Variants in PLXNC1 observed in about 807,000 individuals in gnomAD.
The protein encoded by PLXNC1 is plexin C1.
PLXNC1 carries 75 observed loss-of-function variants against 178.2 expected under a neutral mutation model. The observed-to-expected ratio is 0.42, with a 90% CI of 0.35 to 0.51. The LOEUF is 0.51. PLXNC1 is among the 20% of genes least tolerant of loss of function. The pLI is 0.02. For missense variants in PLXNC1, 1,503 were observed against 1,984.4 expected, an observed-to-expected ratio of 0.76 and a Z score of 4.61; for synonymous variants, 790 against 779.9, an observed-to-expected ratio of 1.01 and a Z score of -0.22.
rs1194708201 is a variant in PLXNC1 at position 94,149,305 on chromosome 12, T to C, written c.334T>C (p.Tyr112His). Residue 112 changes from tyrosine (Y) to histidine (H), a missense_variant, in exon 1 of 31, where the codon TAC becomes CAC. Tyr to His is a moderately conservative substitution (Grantham distance 83). This residue lies in a region of PLXNC1 where 176 missense variants were observed against 180.7 expected (regional missense o/e 0.97). Coordinates refer to ENST00000258526, the MANE Select transcript of PLXNC1 (RefSeq NM_005761.3). Reference sequence around the variant, plus strand: ...CAGCTTCAGCAAGCTGCTGCTGCCCTACCGCGAGGGGGCGGCCGGCCTCGG... The same window carrying C: ...CAGCTTCAGCAAGCTGCTGCTGCCCCACCGCGAGGGGGCGGCCGGCCTCGG... ...GSSFSKLLLP[Y>H]REGAAGLGGL... 2 of 1,470,212 alleles carry C rather than the reference T, an allele frequency of 1.4e-6. No individual in the cohort carries two copies. Among genetic ancestry groups the C allele is most frequent in the Non-Finnish European group, 1.8e-6 (2 of 1,120,830 alleles). 91.1% of individuals were successfully genotyped at this position (1,470,212 alleles called of 1,614,324 possible). A position where few individuals can be genotyped will look rare whatever the true frequency, so the allele number is the denominator to read the frequency against.
At chr12:94,163,101 C>T (rs560398473) in intron 1 of PLXNC1, among the ~76,000 whole-genome samples, 4 of 152,222 alleles carry the variant, frequency 2.6e-5, no homozygotes, top group African/African-American at 9.6e-5. Context: ...TGCGGTGGCT[C>T]ACACCTGTAA....
At position 94,197,437 on chromosome 12, in the gene PLXNC1, T is replaced by TCTCTCTCTCTCTC. The variant is rs1555198027; in HGVS notation, c.1439+10964_1439+10965insCTCTCTCTCTCTC. Among the ~76,000 whole-genome samples the TCTCTCTCTCTCTC allele has an allele frequency of 4.3e-3, 633 of 148,642 alleles. 6 individuals are homozygous for TCTCTCTCTCTCTC. Among genetic ancestry groups the TCTCTCTCTCTCTC allele is most frequent in the African/African-American group, 0.012 (492 of 40,212 alleles). Reference sequence around the variant, plus strand: ...TGATAAAATGATACATTAGGCCCCTTTCTCTCTCTCTCTCTCTCTCTCTGT... The same window carrying TCTCTCTCTCTCTC: ...TGATAAAATGATACATTAGGCCCCTTCTCTCTCTCTCTCTCTCTCTCTCTCTCTCTCTCTCTGT... On this transcript the variant is annotated intron_variant, in intron 4 of 30. Transcript: ENST00000258526.
At chr12:94,259,523 C>A in intron 18 of PLXNC1, 87 bp from the exon 19 acceptor site, 3 of 1,180,884 alleles carry the variant, frequency 2.5e-6, no homozygotes, top group Admixed American at 2.9e-5. Flanking sequence ...AATTCATTGT[C>A]TTGGAAAACC....
intron 1 of PLXNC1, among the ~76,000 whole-genome samples, chr12:94,164,153 C>G (rs1961501260): frequency 6.6e-6 from 1 of 152,040 alleles, no homozygotes; most frequent in Non-Finnish European, 1.5e-5. Flanking sequence ...AAGTGGGCCC[C>G]TTGGGAAGTA....
chr12:94,173,490 C>A (rs3912398), intron 2 of PLXNC1, among the ~76,000 whole-genome samples: 82,687 of 151,994 alleles, frequency 0.54, 23,937 homozygotes, highest in South Asian at 0.71. Flanking sequence ...CTGAGCTCTT[C>A]CTGTGTGCTG....
intron 17 of PLXNC1, among the ~76,000 whole-genome samples, chr12:94,257,387 T>C (rs1052672189): frequency 1.2e-4 from 18 of 152,354 alleles, no homozygotes; most frequent in African/African-American, 4.3e-4. Flanking sequence ...TTCTTTGCTT[T>C]GCATAAAGTA....
chr12:94,205,826 G>T (rs1187875276), intron 4 of PLXNC1, among the ~76,000 whole-genome samples: 5 of 152,176 alleles, frequency 3.3e-5, no homozygotes, highest in African/African-American at 1.2e-4. Flanking sequence ...GCAACCACTG[G>T]TTGAGGTCCC....
At chr12:94,163,081 T>C (rs1428955733) in intron 1 of PLXNC1, among the ~76,000 whole-genome samples, 2 of 152,060 alleles carry the variant, frequency 1.3e-5, no homozygotes, top group African/African-American at 2.4e-5. Context: ...TCTGAGAACC[T>C]AGGGCCAGGT....
At chr12:94,194,879 T>G (rs956478364) in intron 4 of PLXNC1, among the ~76,000 whole-genome samples, 1 of 152,170 alleles carries the variant, frequency 6.6e-6, no homozygotes, top group Non-Finnish European at 1.5e-5. Flanking sequence ...TGTCATTTGG[T>G]GGAAGCCCAA....
rs550962265 is a variant in PLXNC1, at chr12:94,181,786, C to A, written c.1338+206C>A. On this transcript the variant is annotated intron_variant, in intron 3 of 30. Coordinates refer to ENST00000258526, the MANE Select transcript of PLXNC1 (RefSeq NM_005761.3). ...AAGCAAGAAATATTATCTATTTAGACAATTTTATTATTGGCTATATTTCCA... is the reference window on the plus strand; with the variant it reads ...AAGCAAGAAATATTATCTATTTAGAAAATTTTATTATTGGCTATATTTCCA... Among the ~76,000 whole-genome samples the A allele has an allele frequency of 2.1e-4, 32 of 152,068 alleles. No individual in the cohort carries two copies. The South Asian group carries it at 2.3e-3, about 11-fold the overall frequency.
At chr12:94,265,518 A>G (rs932164282) in intron 21 of PLXNC1, among the ~76,000 whole-genome samples, 20 of 152,214 alleles carry the variant, frequency 1.3e-4, no homozygotes, top group Admixed American at 7.2e-4. Flanking sequence ...AAGGAAATGC[A>G]AAGTACTCCC....
chr12:94,258,023 C>CAA (rs199547151), intron 17 of PLXNC1, among the ~76,000 whole-genome samples: 9 of 147,184 alleles, frequency 6.1e-5, no homozygotes, highest in Non-Finnish European at 9.0e-5. Flanking sequence ...GATTCCGTCT[C>CAA]AAAAAAAAAT....
chr12:94,149,655 C>T lies in PLXNC1; in HGVS notation c.684C>T (p.Gly228=), dbSNP rs747904592. The change falls in exon 1 of 31, where the codon GGC becomes GGT. Residue 228 remains glycine (G), a synonymous_variant. Transcript: ENST00000258526. Reference sequence around the variant, plus strand: ...TGGGGCGCCTCAAGCTGTGCGAGGGCGCGGGCAGCCTGCACTTCGTGGACG... The same window carrying T: ...TGGGGCGCCTCAAGCTGTGCGAGGGTGCGGGCAGCCTGCACTTCGTGGACG... ...QELGRLKLCE[G]AGSLHFVDAF... is the part of the protein sequence containing the mutation. 3 of 1,604,986 alleles carry T rather than the reference C, an allele frequency of 1.9e-6. No individual in the cohort carries two copies. Among genetic ancestry groups the T allele is most frequent in the East Asian group, 2.3e-5 (1 of 44,410 alleles).
At chr12:94,179,961 G>T (rs528864130) in intron 2 of PLXNC1, among the ~76,000 whole-genome samples, 1 of 152,244 alleles carries the variant, frequency 6.6e-6, no homozygotes, top group East Asian at 1.9e-4. Context: ...AAGTAGTGCA[G>T]CTACTTAAAG....
At chr12:94,152,707 G>A (rs1961006129) in intron 1 of PLXNC1, among the ~76,000 whole-genome samples, 1 of 152,202 alleles carries the variant, frequency 6.6e-6, no homozygotes, top group African/African-American at 2.4e-5. Flanking sequence ...GGCTGGATTT[G>A]CTTGCCTTCT....
intron 9 of PLXNC1, among the ~76,000 whole-genome samples, chr12:94,233,430 T>C (rs1278419036): frequency 6.6e-6 from 1 of 152,124 alleles, no homozygotes; most frequent in Non-Finnish European, 1.5e-5. Context: ...GGAGCCACAC[T>C]CAGAAGGCTC....
intron 23 of PLXNC1, among the ~76,000 whole-genome samples, chr12:94,291,392 TTTTG>T (rs570418292): frequency 6.4e-4 from 98 of 152,184 alleles, no homozygotes; most frequent in East Asian, 9.7e-4. Flanking sequence ...CTCAGCGCTT[TTTTG>T]TTTGTTTGTT....
intron 26 of PLXNC1, among the ~76,000 whole-genome samples, chr12:94,297,775 A>G (rs1388407956): frequency 1.3e-5 from 2 of 152,136 alleles, no homozygotes; most frequent in Non-Finnish European, 2.9e-5. Context: ...CCCTTTTTGA[A>G]TTGCGAATAA....
chr12:94,212,433 G>A (rs1362470342), intron 5 of PLXNC1, among the ~76,000 whole-genome samples: 2 of 151,978 alleles, frequency 1.3e-5, no homozygotes, highest in African/African-American at 4.8e-5. Flanking sequence ...CCATCAGCTC[G>A]TCATTTACAT....
Sources: gnomAD v4.1 joint callset for allele counts (sites outside exome capture counted in the v4.1 genomes callset) on GRCh38, gnomAD v4.1.1 for gene constraint, gnomAD v4.1.1 regional missense constraint, MANE v1.5 for transcripts, NCBI Gene and HGNC (gene_info 2026-07-23, HGNC 2026-07-21) for gene names.